HCRTR2: variants seen among roughly 807,000 people sequenced by gnomAD.
HCRTR2 encodes the protein hypocretin receptor 2, also known as orexin receptor type 2.
HCRTR2 carries 22 observed loss-of-function variants against 49.0 expected under a neutral mutation model. The ratio of observed to expected loss-of-function variants is 0.45; its 90% confidence interval spans 0.32 to 0.64. The LOEUF (loss-of-function observed/expected upper bound fraction) is 0.64, where lower values mean the gene tolerates loss of function less well. Among genes scored for constraint, HCRTR2 ranks in the 30% least tolerant of loss-of-function variants. The probability of loss-of-function intolerance (pLI) is 0.04; values close to 1 mark genes in which losing one functional copy is unlikely to be tolerated. For synonymous variants in HCRTR2, 236 were observed against 205.3 expected (o/e 1.15, Z -1.28); for missense variants, 491 against 559.4 (o/e 0.88, Z 1.23).
intron 1 of HCRTR2, among the ~76,000 whole-genome samples, chr6:55,191,253 TAAACTTATAC>T (rs1765310562): frequency 6.6e-6 from 1 of 152,202 alleles, no homozygotes; most frequent in African/African-American, 2.4e-5. Context: ...AATATACTTT[TAAACTTATAC>T]AACTTTGCAA....
At chr6:55,252,625 G>A (rs903006579) in intron 2 of HCRTR2, among the ~76,000 whole-genome samples, 4 of 152,072 alleles carry the variant, frequency 2.6e-5, no homozygotes, top group Admixed American at 2.6e-4. Context: ...GTTTGAGAAA[G>A]AGAGTTGAAG....
At chr6:55,272,321 C>G (rs1766988513) in intron 4 of HCRTR2, among the ~76,000 whole-genome samples, 1 of 151,960 alleles carries the variant, frequency 6.6e-6, no homozygotes, top group South Asian at 2.1e-4. Context: ...ATATATAGAG[C>G]CAAAATAATT....
chr6:55,203,953 T>G (rs891357350), intron 1 of HCRTR2, among the ~76,000 whole-genome samples: 1 of 152,160 alleles, frequency 6.6e-6, no homozygotes, highest in Non-Finnish European at 1.5e-5. Flanking sequence ...TGACTTATAT[T>G]TAACAGGACT....
At chr6:55,137,235 C>T (rs570405776) in intron 1 of HCRTR2, among the ~76,000 whole-genome samples, 2 of 152,162 alleles carry the variant, frequency 1.3e-5, no homozygotes, top group African/African-American at 4.8e-5. Flanking sequence ...AATAAAAAAC[C>T]CTTCAGAGTA....
intron 1 of HCRTR2, among the ~76,000 whole-genome samples, chr6:55,164,102 A>G (rs1561992266): frequency 6.6e-6 from 1 of 152,206 alleles, no homozygotes; most frequent in Non-Finnish European, 1.5e-5. Flanking sequence ...TAGAATGGCG[A>G]TCATTAAAAA....
At chr6:55,279,921 G>C (rs1391274257) in intron 5 of HCRTR2, among the ~76,000 whole-genome samples, 8 of 151,888 alleles carry the variant, frequency 5.3e-5, no homozygotes, top group Non-Finnish European at 1.2e-4. Context: ...AATGAAAGTA[G>C]GAAGAAGTAC....
At chr6:55,249,438 T>C (rs892856926) in intron 2 of HCRTR2, among the ~76,000 whole-genome samples, 1 of 152,146 alleles carries the variant, frequency 6.6e-6, no homozygotes, top group African/African-American at 2.4e-5. Context: ...TCAAGCCAAA[T>C]AGTTGTAATT....
At chr6:55,147,977 T>G (rs1764617153) in intron 1 of HCRTR2, among the ~76,000 whole-genome samples, 1 of 148,220 alleles carries the variant, frequency 6.7e-6, no homozygotes, top group Non-Finnish European at 1.5e-5. Flanking sequence ...TTTAGTGAAA[T>G]CATGATGGGA....
intron 1 of HCRTR2, among the ~76,000 whole-genome samples, chr6:55,190,560 C>A (rs542639182): frequency 3.4e-4 from 51 of 152,172 alleles, no homozygotes; most frequent in South Asian, 8.3e-4. Context: ...ATATTTATAA[C>A]CAATATTATC....
intron 1 of HCRTR2, among the ~76,000 whole-genome samples, chr6:55,224,424 T>C (rs1237259916): frequency 1.3e-5 from 2 of 151,672 alleles, no homozygotes; most frequent in South Asian, 2.1e-4. Flanking sequence ...CAGACCATCC[T>C]GGCTAACACG....
chr6:55,207,242 A>G (rs115691201), intron 1 of HCRTR2, among the ~76,000 whole-genome samples: 1,748 of 152,146 alleles, frequency 0.011, 39 homozygotes, highest in African/African-American at 0.04. Context: ...AATAAGGAAA[A>G]TTTATTTTAC....
In HCRTR2 at chr6:55,219,238, G is replaced by A. The variant is rs377099847; in HGVS notation, c.224-29401G>A. Among the ~76,000 whole-genome samples, 147 of 152,264 alleles carry A rather than the reference G, an allele frequency of 9.7e-4. 5 individuals carry two copies. The South Asian group carries it at 0.024, about 25-fold the overall frequency. Reference sequence around the variant, plus strand: ...CAGAAAATTCCATCTAACAGCACCAGAATATGCATTCTTCTAATGCACACA... The same window carrying A: ...CAGAAAATTCCATCTAACAGCACCAAAATATGCATTCTTCTAATGCACACA... On this transcript the variant is annotated intron_variant, in intron 1 of 6. Coordinates refer to ENST00000370862, the MANE Select transcript of HCRTR2 (RefSeq NM_001384272.1).
intron 1 of HCRTR2, among the ~76,000 whole-genome samples, chr6:55,176,996 T>C (rs775328068): frequency 6.6e-6 from 1 of 152,192 alleles, no homozygotes; most frequent in Non-Finnish European, 1.5e-5. Context: ...TTGTTGTTAT[T>C]GCATTTTTAC....
At chr6:55,154,471 A>T (rs1170716812) in intron 1 of HCRTR2, among the ~76,000 whole-genome samples, 1 of 151,976 alleles carries the variant, frequency 6.6e-6, no homozygotes, top group South Asian at 2.1e-4. Flanking sequence ...AAGTCAACAT[A>T]TAAAATTGAA....
At chr6:55,204,956 T>A (rs1210787264) in intron 1 of HCRTR2, among the ~76,000 whole-genome samples, 1 of 152,132 alleles carries the variant, frequency 6.6e-6, no homozygotes, top group Non-Finnish European at 1.5e-5. Flanking sequence ...CAGCTGATTT[T>A]TTTTAGTTTT....
chr6:55,263,407 A>T (rs1469453374), intron 3 of HCRTR2, among the ~76,000 whole-genome samples: 3 of 152,146 alleles, frequency 2.0e-5, no homozygotes, highest in African/African-American at 7.2e-5. Flanking sequence ...AGTCAAATAA[A>T]GGGCCTTTTA....
At chr6:55,232,365 T>C (rs9357851) in intron 1 of HCRTR2, among the ~76,000 whole-genome samples, 27,604 of 152,156 alleles carry the variant, frequency 0.18, 2,880 homozygotes, top group Non-Finnish European at 0.24. Context: ...CTGCAGCTGT[T>C]TATGCCATTG....
At chr6:55,238,200 C>T (rs1766250575) in intron 1 of HCRTR2, among the ~76,000 whole-genome samples, 1 of 152,132 alleles carries the variant, frequency 6.6e-6, no homozygotes, top group African/African-American at 2.4e-5. Flanking sequence ...CAGTGAGCAT[C>T]CCCAGCTGTC....
chr6:55,152,218 A>G (rs141673747), intron 1 of HCRTR2, among the ~76,000 whole-genome samples: 105 of 151,832 alleles, frequency 6.9e-4, no homozygotes, highest in African/African-American at 2.4e-3. Flanking sequence ...CCTTTTCTCT[A>G]CCTCCTTGCT....
Sources: gnomAD v4.1 joint callset for allele counts (sites outside exome capture counted in the v4.1 genomes callset) on GRCh38, gnomAD v4.1.1 for gene constraint, MANE v1.5 for transcripts, NCBI Gene and HGNC (gene_info 2026-07-23, HGNC 2026-07-21) for gene names.